The following KCNIP4 variants were observed in gnomAD, a reference collection of about 807,000 sequenced individuals.
The protein encoded by KCNIP4 is Kv channel-interacting protein 4.
In KCNIP4, 12 loss-of-function variants were observed where a neutral mutation model predicts 34.0. That is an observed-to-expected ratio of 0.35 (90% confidence interval 0.23 to 0.57). The LOEUF is 0.57. Ranked by LOEUF, KCNIP4 falls within the 20% of genes least tolerant of loss-of-function variation. KCNIP4 has a pLI of 0.83. For synonymous variants in KCNIP4, 124 were observed against 102.2 expected (o/e 1.21, Z -1.29); for missense variants, 238 against 311.7 (o/e 0.76, Z 1.78).
At chr4:21,894,589 T>C (rs1273578418) in intron 1 of KCNIP4, among the ~76,000 whole-genome samples, 1 of 152,164 alleles carries the variant, frequency 6.6e-6, no homozygotes, top group Non-Finnish European at 1.5e-5. Flanking sequence ...CAACAAATCA[T>C]GTCATCAAAG....
intron 1 of KCNIP4, among the ~76,000 whole-genome samples, chr4:21,795,487 T>C (rs888352938): frequency 2.2e-4 from 34 of 152,168 alleles, no homozygotes. Context: ...GATACTAATA[T>C]AGAATCTGAC....
chr4:21,460,102 CG>C (rs71655636), intron 1 of KCNIP4, among the ~76,000 whole-genome samples: 2,697 of 63,292 alleles, frequency 0.043, 35 homozygotes, highest in Non-Finnish European at 0.072. Flanking sequence ...ATCTGCCCCC[CG>C]CCCCCCATCT....
chr4:21,434,784 A>G (rs1307754192), intron 1 of KCNIP4, among the ~76,000 whole-genome samples: 1 of 150,130 alleles, frequency 6.7e-6, no homozygotes, highest in Admixed American at 6.6e-5. Context: ...AAAAAAAAAA[A>G]AAGGCTTTCC....
At chr4:21,877,594 G>C (rs1726203341) in intron 1 of KCNIP4, among the ~76,000 whole-genome samples, 1 of 152,004 alleles carries the variant, frequency 6.6e-6, no homozygotes, top group Admixed American at 6.6e-5. Context: ...TGAATTTCCG[G>C]GTTCTTGGTT....
At chr4:21,272,724 G>A (rs564522848) in intron 1 of KCNIP4, among the ~76,000 whole-genome samples, 36 of 152,186 alleles carry the variant, frequency 2.4e-4, no homozygotes, top group African/African-American at 8.4e-4. Context: ...CATTCTCACT[G>A]TATTTCATTT....
At chr4:20,733,207 AT>A (rs1409525022) in intron 6 of KCNIP4, among the ~76,000 whole-genome samples, 2 of 152,216 alleles carry the variant, frequency 1.3e-5, no homozygotes, top group East Asian at 3.8e-4. Flanking sequence ...ACCATTTAGA[AT>A]TAGTGAAATT....
intron 1 of KCNIP4, among the ~76,000 whole-genome samples, chr4:21,142,291 T>C (rs954375793): frequency 4.6e-5 from 7 of 151,942 alleles, no homozygotes; most frequent in African/African-American, 1.7e-4. Flanking sequence ...GTTCGGTGAA[T>C]AGTTTGATCT....
intron 1 of KCNIP4, among the ~76,000 whole-genome samples, chr4:21,095,664 G>A (rs1170425937): frequency 2.6e-5 from 4 of 152,038 alleles, no homozygotes; most frequent in Non-Finnish European, 5.9e-5. Context: ...TTTGAGAAGT[G>A]TTTTATTTCT....
At chr4:20,730,842 T>G (rs1042779490) in intron 8 of KCNIP4, among the ~76,000 whole-genome samples, 3 of 152,112 alleles carry the variant, frequency 2.0e-5, no homozygotes, top group African/African-American at 7.2e-5. Flanking sequence ...TACTGAGCTG[T>G]TTATGGTAGT....
At chr4:21,370,171 T>C (rs1333470494) in intron 1 of KCNIP4, among the ~76,000 whole-genome samples, 2 of 147,536 alleles carry the variant, frequency 1.4e-5, no homozygotes, top group Non-Finnish European at 2.9e-5. Flanking sequence ...AGACTGCCTC[T>C]AAGCTACATT....
At chr4:21,207,510 G>A (rs961044150) in intron 1 of KCNIP4, among the ~76,000 whole-genome samples, 3 of 152,162 alleles carry the variant, frequency 2.0e-5, no homozygotes, top group Non-Finnish European at 4.4e-5. Context: ...TCTGCAGCAA[G>A]CAAACAATAA....
At chr4:21,115,156 C>T (rs73245246) in intron 1 of KCNIP4, among the ~76,000 whole-genome samples, 2,581 of 152,254 alleles carry the variant, frequency 0.017, 30 homozygotes, top group Non-Finnish European at 0.025. Context: ...CCTGTCTCTC[C>T]TTCCCATAAT....
chr4:21,432,851 C>T (rs1380284731), intron 1 of KCNIP4, among the ~76,000 whole-genome samples: 1 of 152,044 alleles, frequency 6.6e-6, no homozygotes, highest in African/African-American at 2.4e-5. Context: ...ATAGTTGAAC[C>T]ACAGTTATAA....
chr4:21,909,533 T>C (rs55782812), intron 1 of KCNIP4, among the ~76,000 whole-genome samples: 47,459 of 151,846 alleles, frequency 0.31, 7,488 homozygotes, highest in Middle Eastern at 0.34. Context: ...GGCTTAGACA[T>C]GTTTCTTAAT....
chr4:21,575,466 A>G (rs16871486), intron 1 of KCNIP4, among the ~76,000 whole-genome samples: 5,837 of 151,960 alleles, frequency 0.038, 365 homozygotes, highest in African/African-American at 0.13. Context: ...CCAATACCTT[A>G]CTGCTGATAC....
At chr4:20,822,010 G>A (rs1214447723) in intron 3 of KCNIP4, among the ~76,000 whole-genome samples, 4 of 146,804 alleles carry the variant, frequency 2.7e-5, no homozygotes, top group Non-Finnish European at 5.9e-5. Context: ...TTTTCATAGA[G>A]AATTCATGAC....
intron 1 of KCNIP4, among the ~76,000 whole-genome samples, chr4:21,136,515 CT>C (rs1316096249): frequency 6.6e-6 from 1 of 152,152 alleles, no homozygotes; most frequent in East Asian, 1.9e-4. Context: ...TGTGCTGAAT[CT>C]TGAGAAAACT....
intron 2 of KCNIP4, among the ~76,000 whole-genome samples, chr4:20,865,495 G>T (rs1407909919): frequency 6.6e-6 from 1 of 151,912 alleles, no homozygotes; most frequent in African/African-American, 2.4e-5. Context: ...AATGGATAAA[G>T]AAACTGATAT....
At chr4:21,440,918 A>G (rs926770965) in intron 1 of KCNIP4, among the ~76,000 whole-genome samples, 2 of 152,276 alleles carry the variant, frequency 1.3e-5, no homozygotes, top group African/African-American at 4.8e-5. Flanking sequence ...AAAGAAAATT[A>G]ATAAATATAA....
Sources: gnomAD v4.1 joint callset for allele counts (sites outside exome capture counted in the v4.1 genomes callset) on GRCh38, gnomAD v4.1.1 for gene constraint, MANE v1.5 for transcripts, NCBI Gene and HGNC (gene_info 2026-07-23, HGNC 2026-07-21) for gene names.